NINJ2: variants seen among roughly 807,000 people sequenced by gnomAD.
NINJ2 encodes ninjurin 2.
NINJ2 carries 12 observed loss-of-function variants against 11.7 expected under a neutral mutation model. The ratio of observed to expected loss-of-function variants is 1.02; its 90% CI spans 0.66 to 1.66. The LOEUF (loss-of-function observed/expected upper bound fraction) is 1.66. NINJ2 is among the 40% of genes most tolerant of loss of function. NINJ2 has a pLI of 0.00. For synonymous variants in NINJ2, 93 were observed against 76.8 expected (o/e 1.21, Z -1.10); for missense variants, 187 against 181.8 (o/e 1.03, Z -0.16).
At chr12:603,592 A>G (rs1947900400) in intron 1 of NINJ2, among the ~76,000 whole-genome samples, 2 of 151,888 alleles carry the variant, frequency 1.3e-5, no homozygotes, top group Non-Finnish European at 2.9e-5. Flanking sequence ...GTATGAGGTA[A>G]GAGTCCAACT....
intron 1 of NINJ2, among the ~76,000 whole-genome samples, chr12:657,499 G>GGATCGCTT (rs1488651635): frequency 3.9e-5 from 6 of 152,168 alleles, no homozygotes; most frequent in Non-Finnish European, 2.9e-5. Flanking sequence ...TGAGGCAGGA[G>GGATCGCTT]GATCGCTTGA....
At chr12:646,979 C>G (rs1450465366) in intron 1 of NINJ2, among the ~76,000 whole-genome samples, 1 of 152,212 alleles carries the variant, frequency 6.6e-6, no homozygotes, top group Non-Finnish European at 1.5e-5. Flanking sequence ...ATACTGGGAG[C>G]TCTTTCACAG....
intron 1 of NINJ2, among the ~76,000 whole-genome samples, chr12:606,998 C>T (rs775132434): frequency 4.6e-5 from 7 of 152,228 alleles, no homozygotes; most frequent in African/African-American, 1.2e-4. Flanking sequence ...TCCGGAGGCC[C>T]GGCTGCAATC....
intron 1 of NINJ2, among the ~76,000 whole-genome samples, chr12:606,331 A>G (rs1268005287): frequency 6.6e-6 from 1 of 152,240 alleles, no homozygotes; most frequent in Non-Finnish European, 1.5e-5. Context: ...TGATAGAGAT[A>G]AAAAATTAGA....
chr12:571,646 CCAGA>C (rs1441806563), intron 1 of NINJ2, among the ~76,000 whole-genome samples: 3 of 152,272 alleles, frequency 2.0e-5, no homozygotes, highest in Non-Finnish European at 2.9e-5. Flanking sequence ...CATTGTTCTG[CCAGA>C]CAGCCCTTTA....
intron 1 of NINJ2, among the ~76,000 whole-genome samples, chr12:596,359 C>T (rs527469859): frequency 1.2e-4 from 19 of 152,166 alleles, no homozygotes; most frequent in African/African-American, 4.1e-4. Context: ...TCTGTGTAAA[C>T]GATAGATGTT....
At position 628,525 on chromosome 12, in the gene NINJ2, T is replaced by A. The variant is rs955027559; in HGVS notation, c.33+34803A>T. Among the ~76,000 whole-genome samples the A allele has an allele frequency of 6.6e-6, 1 of 152,320 alleles. No homozygotes were observed. The highest frequency in any genetic ancestry group is 2.1e-4 in the South Asian group (1 of 4,828). Reference sequence around the variant, plus strand: ...CAAAAAACATAAGCATGGTAATGCATATATAATACGTGTCTATGGCAGAGG... The same window carrying A: ...CAAAAAACATAAGCATGGTAATGCAAATATAATACGTGTCTATGGCAGAGG... On this transcript the variant is annotated intron_variant, in intron 1 of 3. Coordinates refer to ENST00000305108, the MANE Select transcript of NINJ2 (RefSeq NM_016533.6). This position sits in a 1 kb window ranked among gnomAD's most constrained non-coding sequence, Gnocchi z 4.4.
At position 585,521 on chromosome 12, in the gene NINJ2, G is replaced by C. The variant is rs1054202706; in HGVS notation, c.34-19343C>G. On this transcript the variant is annotated intron_variant, in intron 1 of 3. Coordinates refer to ENST00000305108, the MANE Select transcript of NINJ2 (RefSeq NM_016533.6). The surrounding 1 kb of genome is among the most constrained non-coding windows in gnomAD (Gnocchi z 4.1). The stretch of plus-strand genomic sequence containing the variant: ...AGGGAAGGGAACGGTTGGAGGGAAG[G>C]GAAGGGAACGGTTGGAGGGAAGGGA... Among the ~76,000 whole-genome samples, 3 of 151,094 alleles carry C rather than the reference G, an allele frequency of 2.0e-5. No homozygotes were observed. The highest frequency in any genetic ancestry group is 4.4e-5 in the Non-Finnish European group (3 of 67,670).
chr12:584,236 G>A (rs1157754546), intron 1 of NINJ2, among the ~76,000 whole-genome samples: 1 of 152,220 alleles, frequency 6.6e-6, no homozygotes, highest in African/African-American at 2.4e-5. Flanking sequence ...GAACTACAGG[G>A]ATGGGGAGAG....
At chr12:617,372 G>T (rs1948105339) in intron 1 of NINJ2, among the ~76,000 whole-genome samples, 1 of 152,172 alleles carries the variant, frequency 6.6e-6, no homozygotes, top group Admixed American at 6.5e-5. Context: ...CTTCCCTAAA[G>T]CCCTGGCCGC....
intron 1 of NINJ2, among the ~76,000 whole-genome samples, chr12:599,257 G>T (rs983359838): frequency 6.6e-6 from 1 of 151,730 alleles, no homozygotes; most frequent in Non-Finnish European, 1.5e-5. Flanking sequence ...GGTGGCAGGC[G>T]CCTGTAATCC....
chr12:650,649 A>C (rs1026511927), intron 1 of NINJ2, among the ~76,000 whole-genome samples: 4 of 152,116 alleles, frequency 2.6e-5, no homozygotes, highest in African/African-American at 4.8e-5. Flanking sequence ...TGGTGAGCCG[A>C]GTTCGCGCCA....
intron 1 of NINJ2, among the ~76,000 whole-genome samples, chr12:574,192 A>G (rs970658927): frequency 2.0e-5 from 3 of 152,198 alleles, no homozygotes; most frequent in Admixed American, 6.5e-5. Flanking sequence ...ACTGCACTCC[A>G]GCCTGGGCAA....
At chr12:594,530 G>C (rs1947757837) in intron 1 of NINJ2, among the ~76,000 whole-genome samples, 1 of 152,190 alleles carries the variant, frequency 6.6e-6, no homozygotes, top group Non-Finnish European at 1.5e-5. Context: ...GCTCATGACT[G>C]TAATTCCAAC....
At chr12:617,515 T>C (rs890157484) in intron 1 of NINJ2, among the ~76,000 whole-genome samples, 3 of 152,206 alleles carry the variant, frequency 2.0e-5, no homozygotes, top group Non-Finnish European at 2.9e-5. Context: ...TCACATCCCC[T>C]TTCTTTCTGG....
intron 1 of NINJ2, among the ~76,000 whole-genome samples, chr12:570,032 A>AC (rs373548129): frequency 5.3e-4 from 80 of 151,942 alleles, no homozygotes; most frequent in African/African-American, 1.9e-3. Flanking sequence ...GGAAACCTGG[A>AC]CCCCTCCGAG....
intron 1 of NINJ2, among the ~76,000 whole-genome samples, chr12:657,986 GGC>G (rs1937895176): frequency 7.4e-6 from 1 of 135,756 alleles, no homozygotes. Context: ...AACCTACACA[GGC>G]TTTTTTTTTT....
chr12:569,763 A>G lies in NINJ2; in HGVS notation c.34-3585T>C, dbSNP rs535672639. On this transcript the variant is annotated intron_variant, in intron 1 of 3. Coordinates refer to ENST00000305108, the MANE Select transcript of NINJ2 (RefSeq NM_016533.6). The stretch of plus-strand genomic sequence containing the variant: ...AGAGCTGGTTGGCTTTTGTTGTTAC[A>G]TTAATCTGAGAGCCATTGCTTCACA... Among the ~76,000 whole-genome samples the G allele has an allele frequency of 3.4e-3, 525 of 152,328 alleles. 3 individuals are homozygous for G. Among genetic ancestry groups the G allele is most frequent in the African/African-American group, 0.011 (454 of 41,566 alleles).
At chr12:658,688 ATGCTATGCTATGCTATGCT>A (rs1341099812) in intron 1 of NINJ2, among the ~76,000 whole-genome samples, 1 of 150,480 alleles carries the variant, frequency 6.6e-6, no homozygotes, top group Non-Finnish European at 1.5e-5. Context: ...ATGCTATGCT[ATGCTATGCTATGCTATGCT>A]ATGCTATGCT....
Sources: allele counts gnomAD v4.1 joint callset (sites outside exome capture counted in the v4.1 genomes callset), GRCh38; gene constraint gnomAD v4.1.1; non-coding constraint Gnocchi (gnomAD v3.1); transcripts MANE v1.5; gene names NCBI Gene and HGNC (gene_info 2026-07-23, HGNC 2026-07-21).